The following FAM177A1 variants were observed in gnomAD, a reference collection of about 807,000 sequenced individuals.
The protein encoded by FAM177A1 is family with sequence similarity 177 member A1.
In FAM177A1, 22 loss-of-function variants were observed where a neutral mutation model predicts 26.1. The observed-to-expected ratio is 0.84, with a 90% confidence interval of 0.60 to 1.20. The LOEUF (loss-of-function observed/expected upper bound fraction) is 1.20, where lower values mean the gene tolerates loss of function less well. FAM177A1 is among the 50% of genes most tolerant of loss of function. The pLI is 0.00. For synonymous variants in FAM177A1, 95 were observed against 99.3 expected, an observed-to-expected ratio of 0.96 and a Z score of 0.26; for missense variants, 296 against 291.1, an observed-to-expected ratio of 1.02 and a Z score of -0.12.
At chr14:35,061,030 T>C (rs7147571) in intron 2 of FAM177A1, among the ~76,000 whole-genome samples, 25,596 of 151,994 alleles carry the variant, frequency 0.17, 2,401 homozygotes, top group East Asian at 0.31. Flanking sequence ...TAATCTCTTA[T>C]TGTGACTAAT....
rs771646413 is a variant in FAM177A1, at chr14:35,046,479, C to G, written c.16C>G (p.Pro6Ala). MEVGL[P>A]AITLFLTSAS... ...GAGACCAAGGATGGAAGTGGGCTTA[C>G]CGGCCATTACCCTCTTTCTCACCAG... The change falls in exon 1 of 5, where the codon CCG (proline) becomes GCG (alanine). Residue 6 changes from proline to alanine, a missense_variant. Physicochemically the swap from Pro to Ala is conservative, Grantham distance 27. Coordinates refer to ENST00000280987, the MANE Select transcript of FAM177A1 (RefSeq NM_173607.5). 2 of 1,590,488 alleles carry G rather than the reference C, an allele frequency of 1.3e-6. No homozygotes were observed. Among genetic ancestry groups the G allele is most frequent in the East Asian group, 4.6e-5 (2 of 43,146 alleles).
intron 2 of FAM177A1, among the ~76,000 whole-genome samples, chr14:35,068,565 T>C (rs888720291): frequency 2.0e-5 from 3 of 152,210 alleles, no homozygotes; most frequent in Non-Finnish European, 4.4e-5. Context: ...TGGGATTCCT[T>C]CCTTATTATA....
At chr14:35,065,434 A>G (rs1164489137) in intron 2 of FAM177A1, among the ~76,000 whole-genome samples, 4 of 150,504 alleles carry the variant, frequency 2.7e-5, no homozygotes, top group African/African-American at 9.8e-5. Context: ...AGAACTAACC[A>G]AAGACTTCCA....
At chr14:35,080,995 A>G (rs1260379375) in intron 4 of FAM177A1, 27 bp from the exon 5 acceptor site, 1 of 1,574,772 alleles carries the variant, frequency 6.4e-7, no homozygotes, top group Non-Finnish European at 8.6e-7. Context: ...TATTTCAACT[A>G]TTCTTGATAT....
rs796366409 is a variant in FAM177A1 at position 35,082,756 on chromosome 14, T to C, written c.*1528T>C. ...AACAGCATTAAGTTTTCAATTTTAA[T>C]ATATCTATATAAAATATAGTGTCAA... On this transcript the variant is annotated 3_prime_UTR_variant, in exon 5 of 5. Transcript: ENST00000280987. 6.6e-6 allele frequency: 1 copy of C among 152,202 alleles called. No homozygotes were observed. The highest frequency in any genetic ancestry group is 1.9e-4 in the East Asian group (1 of 5,202). The allele number at this position is 152,202 out of a possible 1,614,324, so 9.4% of individuals were successfully genotyped here.
intron 1 of FAM177A1, chr14:35,049,905 ATCTT>A (rs1343675759): frequency 2.6e-5 from 4 of 152,214 alleles, no homozygotes; most frequent in East Asian, 1.9e-4. Context: ...TTATGAAACT[ATCTT>A]TCAGATCTTT....
chr14:35,066,458 T>C (rs1287258972), intron 2 of FAM177A1, among the ~76,000 whole-genome samples: 1 of 148,688 alleles, frequency 6.7e-6, no homozygotes, highest in Non-Finnish European at 1.5e-5. Context: ...CAGGCTGGAG[T>C]GCAGTGGCGT....
rs117778522 is a variant in FAM177A1 at position 35,052,688 on chromosome 14, G to A, written c.166-590G>A. ...GCCTGTAATCCTAAAACTTTGGGAG[G>A]CTGAAGTGGGAGGATTGCTTAAGGC... On this transcript the variant is annotated intron_variant, in intron 1 of 4. Coordinates refer to ENST00000280987, the MANE Select transcript of FAM177A1 (RefSeq NM_173607.5). 4.7e-4 allele frequency among the ~76,000 whole-genome samples: 71 copies of A among 152,168 alleles called. 1 individual carries two copies. The East Asian group carries it at 0.012, about 26-fold the overall frequency.
chr14:35,071,900 C>T lies in FAM177A1; in HGVS notation c.340-5250C>T, dbSNP rs1190658348. On this transcript the variant is annotated intron_variant, in intron 2 of 4. Coordinates refer to ENST00000280987, the MANE Select transcript of FAM177A1 (RefSeq NM_173607.5). Reference sequence around the variant, plus strand: ...AGCCTAGTGTTGACTGGAAGCCTTACCTAGAGCATAAAGTCAATTAACACA... The same window carrying T: ...AGCCTAGTGTTGACTGGAAGCCTTATCTAGAGCATAAAGTCAATTAACACA... Among the ~76,000 whole-genome samples, 8 of 152,172 alleles carry T rather than the reference C, an allele frequency of 5.3e-5. No individual in the cohort carries two copies. In the East Asian group the frequency reaches 9.6e-4, roughly 18 times the overall value.
Position 35,046,308 on chromosome 14 carries a change from G to T in FAM177A1, c.-156G>T. 1 of 867,478 alleles carries T rather than the reference G, an allele frequency of 1.2e-6. No individual in the cohort carries two copies. Among genetic ancestry groups the T allele is most frequent in the Non-Finnish European group, 1.6e-6 (1 of 619,000 alleles). The allele number at this position is 867,478 out of a possible 1,614,324, so 53.7% of individuals were successfully genotyped here. On this transcript the variant is annotated 5_prime_UTR_variant, in exon 1 of 5. Coordinates refer to ENST00000280987, the MANE Select transcript of FAM177A1 (RefSeq NM_173607.5). ...GGCCAGCTCTCGGGGTGCGGAGCCC[G>T]GCGGGCTAGGCGAGGCGCGGGCTGG...
intron 3 of FAM177A1, among the ~76,000 whole-genome samples, chr14:35,077,996 T>G (rs1305598056): frequency 1.3e-5 from 2 of 152,252 alleles, no homozygotes; most frequent in African/African-American, 4.8e-5. Context: ...TTAATAATGC[T>G]AATTTAAAAT....
chr14:35,046,472 G>T lies in FAM177A1; in HGVS notation c.9G>T (p.Val3=), dbSNP rs1211458133. 6.3e-7 allele frequency: 1 copy of T among 1,585,798 alleles called. No individual in the cohort carries two copies. Among genetic ancestry groups the T allele is most frequent in the Admixed American group, 1.7e-5 (1 of 57,348 alleles). The change falls in exon 1 of 5, where the codon GTG becomes GTT. Residue 3 remains valine, a synonymous_variant. Coordinates refer to ENST00000280987, the MANE Select transcript of FAM177A1 (RefSeq NM_173607.5). Reference sequence around the variant, plus strand: ...GGGCGGGGAGACCAAGGATGGAAGTGGGCTTACCGGCCATTACCCTCTTTC... The same window carrying T: ...GGGCGGGGAGACCAAGGATGGAAGTTGGCTTACCGGCCATTACCCTCTTTC... ME[V]GLPAITLFLT... is the part of the protein sequence containing the mutation.
chr14:35,045,720 A>T (rs754957847), upstream of FAM177A1, among the ~76,000 whole-genome samples: 2 of 152,140 alleles, frequency 1.3e-5, no homozygotes, highest in African/African-American at 2.4e-5. Flanking sequence ...GACGGAAAAA[A>T]TCTGGGACGC....
intron 2 of FAM177A1, among the ~76,000 whole-genome samples, chr14:35,072,969 C>A (rs1234197586): frequency 1.3e-5 from 2 of 152,178 alleles, no homozygotes; most frequent in African/African-American, 4.8e-5. Context: ...AAATTTGTTT[C>A]GTGTTGATGT....
At chr14:35,069,142 T>G (rs909277369) in intron 2 of FAM177A1, among the ~76,000 whole-genome samples, 5 of 152,214 alleles carry the variant, frequency 3.3e-5, no homozygotes, top group African/African-American at 1.2e-4. Context: ...TCCGCATCTT[T>G]GTAGATAATA....
At chr14:35,080,699 G>A (rs752542533) in intron 4 of FAM177A1, among the ~76,000 whole-genome samples, 2 of 152,064 alleles carry the variant, frequency 1.3e-5, no homozygotes, top group African/African-American at 4.8e-5. Flanking sequence ...TACTCAGGAG[G>A]CTGAGGCAGG....
intron 4 of FAM177A1, among the ~76,000 whole-genome samples, chr14:35,079,675 A>G (rs1038945521): frequency 6.6e-6 from 1 of 152,112 alleles, no homozygotes; most frequent in African/African-American, 2.4e-5. Flanking sequence ...TGCAGCATCC[A>G]TGCTCGGGGG....
At position 35,077,202 on chromosome 14, in the gene FAM177A1, C is replaced by T; in HGVS notation, c.392C>T (p.Thr131Ile). ...TGGTTTTACATGCTTCGGGCTGCTACATCAACTCTCTCAGGTATTGCTTTT... is the reference window on the plus strand; with the variant it reads ...TGGTTTTACATGCTTCGGGCTGCTATATCAACTCTCTCAGGTATTGCTTTT... ...YLWFYMLRAA[T>I]STLSVCDFLG... Residue 131 changes from threonine to isoleucine, a missense_variant, in exon 3 of 5, where the codon ACA becomes ATA. Physicochemically the swap from Thr to Ile is moderately conservative, Grantham distance 89. Coordinates refer to ENST00000280987, the MANE Select transcript of FAM177A1 (RefSeq NM_173607.5). The T allele has an allele frequency of 6.2e-7, 1 of 1,613,808 alleles. No individual in the cohort carries two copies. Among genetic ancestry groups the T allele is most frequent in the Non-Finnish European group, 8.5e-7 (1 of 1,179,880 alleles).
intron 2 of FAM177A1, among the ~76,000 whole-genome samples, chr14:35,061,619 G>C (rs1424334517): frequency 1.1e-5 from 1 of 93,156 alleles, no homozygotes; most frequent in Non-Finnish European, 2.1e-5. Context: ...GTTGTGGGGT[G>C]GGGGGAGGGG....
Sources: allele counts gnomAD v4.1 joint callset (sites outside exome capture counted in the v4.1 genomes callset), GRCh38; gene constraint gnomAD v4.1.1; transcripts MANE v1.5; gene names NCBI Gene and HGNC (gene_info 2026-07-23, HGNC 2026-07-21).